The following DNAH7 variants were observed in gnomAD, a reference collection of about 807,000 sequenced individuals.
DNAH7 encodes the protein axonemal beta dynein heavy chain 7.
In DNAH7, 397 loss-of-function variants were observed where a neutral mutation model predicts 444.6. The ratio of observed to expected loss-of-function variants is 0.89; its 90% CI spans 0.82 to 0.97. The LOEUF is 0.97. Ranked by LOEUF, DNAH7 falls within the 50% of genes least tolerant of loss-of-function variation. The pLI, the probability that DNAH7 is intolerant of heterozygous loss-of-function variation, is 0.00. For synonymous variants in DNAH7, 1,636 were observed against 1,624.4 expected (o/e 1.01, Z -0.17); for missense variants, 4,902 against 4,800.8 (o/e 1.02, Z -0.62).
At chr2:196,023,983 C>G (rs892766440) in intron 8 of DNAH7, among the ~76,000 whole-genome samples, 2 of 152,078 alleles carry the variant, frequency 1.3e-5, no homozygotes, top group African/African-American at 4.8e-5. Flanking sequence ...TTATTGACAT[C>G]GTTTGCCATT....
At chr2:195,905,689 T>C (rs547227766) in intron 27 of DNAH7, 1 of 152,116 alleles carries the variant, frequency 6.6e-6, no homozygotes, top group African/African-American at 2.4e-5. Context: ...AACCAAAATA[T>C]GGGGAAAATG....
chr2:195,799,080 T>G (rs1223780792), intron 55 of DNAH7, among the ~76,000 whole-genome samples: 1 of 152,162 alleles, frequency 6.6e-6, no homozygotes, highest in Non-Finnish European at 1.5e-5. Flanking sequence ...TAAATCCCAA[T>G]TCTAGTTTTA....
At chr2:196,023,594 C>CT (rs1695509771) in intron 8 of DNAH7, among the ~76,000 whole-genome samples, 1 of 152,186 alleles carries the variant, frequency 6.6e-6, no homozygotes, top group South Asian at 2.1e-4. Flanking sequence ...GGATTAGGCT[C>CT]TGGCTTAAGG....
chr2:195,998,164 T>C (rs1417064538), intron 12 of DNAH7, among the ~76,000 whole-genome samples: 2 of 152,180 alleles, frequency 1.3e-5, no homozygotes, highest in Non-Finnish European at 2.9e-5. Flanking sequence ...CCTGAGAAGT[T>C]TCAATTAACT....
At chr2:195,970,148 C>A in intron 16 of DNAH7, 54 bp from the exon 17 acceptor site, 1 of 1,512,302 alleles carries the variant, frequency 6.6e-7, no homozygotes, top group South Asian at 1.3e-5. Flanking sequence ...CCCTTGCTGT[C>A]AAAAAATTTT....
At chr2:195,990,484 A>G (rs1433414120) in intron 12 of DNAH7, among the ~76,000 whole-genome samples, 3 of 152,014 alleles carry the variant, frequency 2.0e-5, no homozygotes, top group Non-Finnish European at 4.4e-5. Flanking sequence ...GCAATATGGC[A>G]AAACCCCATC....
chr2:195,947,756 G>A (rs533916072), intron 19 of DNAH7, among the ~76,000 whole-genome samples: 7 of 152,242 alleles, frequency 4.6e-5, no homozygotes, highest in South Asian at 2.1e-4. Context: ...ATAAACACAC[G>A]TGTGCATGTG....
chr2:195,891,915 A>G (rs1372248150), intron 30 of DNAH7, 111 bp from the exon 31 acceptor site: 1 of 876,446 alleles, frequency 1.1e-6, no homozygotes, highest in Non-Finnish European at 1.6e-6. Flanking sequence ...AAGTATTAGA[A>G]GTAGTGAATT....
chr2:196,045,273 AAG>A (rs1270007791), intron 5 of DNAH7, among the ~76,000 whole-genome samples: 2 of 149,492 alleles, frequency 1.3e-5, no homozygotes, highest in African/African-American at 5.0e-5. Context: ...AAGGGAATGA[AAG>A]GGAAGGAGGG....
intron 19 of DNAH7, among the ~76,000 whole-genome samples, chr2:195,955,339 G>A (rs764360757): frequency 1.4e-4 from 22 of 152,102 alleles, no homozygotes; most frequent in African/African-American, 2.2e-4. Context: ...GGTTGTAGAC[G>A]TGTGGTATTA....
At chr2:195,905,739 T>C (rs1256640941) in intron 27 of DNAH7, 2 of 152,176 alleles carry the variant, frequency 1.3e-5, no homozygotes, top group Non-Finnish European at 2.9e-5. Context: ...GTGTGTTTTT[T>C]TTTAAAGTAA....
chr2:195,778,002 C>A lies in DNAH7; in HGVS notation c.10879-17G>T. On this transcript the variant is annotated splice_polypyrimidine_tract_variant and intron_variant, in intron 58 of 64. Coordinates refer to ENST00000312428, the MANE Select transcript of DNAH7 (RefSeq NM_018897.3). ...CGGCAGTTCCTAAAATAGTGCGTGT[C>A]AGTCAACCAGTTATCAGTAGCATGT... 1 of 1,578,072 alleles carries A rather than the reference C, an allele frequency of 6.3e-7. No homozygotes were observed.
In DNAH7 at chr2:196,068,741, GCT is replaced by G; in HGVS notation, c.-32_-31del. The G allele has an allele frequency of 6.5e-7, 1 of 1,550,134 alleles. No individual in the cohort carries two copies. Among genetic ancestry groups the G allele is most frequent in the Non-Finnish European group, 8.7e-7 (1 of 1,146,940 alleles). On this transcript the variant is annotated 5_prime_UTR_variant, in exon 1 of 65. Transcript: ENST00000312428. ...GCGAGGACGCGCTGGCCTCACCGGT[GCT>G]TCTGGGTTGCTCCTGCCCGCGGAAC... is the stretch of plus-strand genomic sequence containing the variant.
chr2:195,753,212 T>G (rs1000698801), intron 63 of DNAH7, among the ~76,000 whole-genome samples: 8 of 151,506 alleles, frequency 5.3e-5, no homozygotes, highest in Non-Finnish European at 1.0e-4. Context: ...AAAAGCTCTC[T>G]TCAGATGGCT....
At chr2:195,852,790 G>A (rs1274464722) in intron 46 of DNAH7, among the ~76,000 whole-genome samples, 2 of 152,036 alleles carry the variant, frequency 1.3e-5, no homozygotes, top group Non-Finnish European at 2.9e-5. Context: ...CTTATCAACA[G>A]GGTTTTAGGC....
intron 20 of DNAH7, among the ~76,000 whole-genome samples, chr2:195,935,420 C>T (rs1412800520): frequency 6.6e-6 from 1 of 152,096 alleles, no homozygotes; most frequent in Non-Finnish European, 1.5e-5. Flanking sequence ...CTAAATTTAC[C>T]TTTTGTTTAG....
At chr2:195,854,668 T>C (rs1341235599) in intron 45 of DNAH7, among the ~76,000 whole-genome samples, 1 of 152,176 alleles carries the variant, frequency 6.6e-6, no homozygotes, top group African/African-American at 2.4e-5. Flanking sequence ...AACTACTAAG[T>C]AAAAATATTT....
At chr2:195,932,427 CCCTGG>C (rs1688761713) in intron 21 of DNAH7, among the ~76,000 whole-genome samples, 3 of 152,202 alleles carry the variant, frequency 2.0e-5, no homozygotes, top group African/African-American at 7.2e-5. Flanking sequence ...TGCCTGATTG[CCCTGG>C]CCAGAACTTC....
intron 9 of DNAH7, among the ~76,000 whole-genome samples, chr2:196,018,728 AGAAT>A (rs1378537830): frequency 6.6e-6 from 1 of 152,180 alleles, no homozygotes; most frequent in African/African-American, 2.4e-5. Flanking sequence ...ATAGTTAGAC[AGAAT>A]GAATGAGACC....
Sources: gnomAD v4.1 joint callset for allele counts (sites outside exome capture counted in the v4.1 genomes callset) on GRCh38, gnomAD v4.1.1 for gene constraint, MANE v1.5 for transcripts, NCBI Gene and HGNC (gene_info 2026-07-23, HGNC 2026-07-21) for gene names.